The following TAF3 variants were observed in gnomAD, a reference collection of about 807,000 sequenced individuals.
TAF3 encodes the protein TATA-box binding protein associated factor 3, also known as transcription initiation factor TFIID subunit 3.
In TAF3, 7 loss-of-function variants were observed where a neutral mutation model predicts 80.6. The observed-to-expected ratio is 0.09, with a 90% CI of 0.05 to 0.16. The LOEUF (loss-of-function observed/expected upper bound fraction) is 0.16. Ranked by LOEUF, TAF3 falls within the 10% of genes least tolerant of loss-of-function variation. The pLI, the probability that TAF3 is intolerant of heterozygous loss-of-function variation, is 1.00. For synonymous variants in TAF3, 444 were observed against 446.1 expected (o/e 1.00, Z 0.06); for missense variants, 921 against 1,140.2 (o/e 0.81, Z 2.77).
At position 7,936,400 on chromosome 10, in the gene TAF3, G is replaced by A. The variant is rs962615246; in HGVS notation, c.410-27520G>A. On this transcript the variant is annotated intron_variant, in intron 2 of 6. Transcript: ENST00000344293. Reference sequence around the variant, plus strand: ...TCTCTTACAGTTTAAAGCATTATACGATTAAGGATCAAATGTCAGCAAATT... The same window carrying A: ...TCTCTTACAGTTTAAAGCATTATACAATTAAGGATCAAATGTCAGCAAATT... 5.9e-5 allele frequency among the ~76,000 whole-genome samples: 9 copies of A among 152,132 alleles called. No individual in the cohort carries two copies. The East Asian group carries it at 7.7e-4, about 13-fold the overall frequency.
intron 2 of TAF3, among the ~76,000 whole-genome samples, chr10:7,841,449 G>T (rs1836911310): frequency 1.3e-5 from 2 of 152,186 alleles, no homozygotes; most frequent in African/African-American, 4.8e-5. Context: ...ATTCTTAAAG[G>T]AAAACAGAGT....
At position 8,009,626 on chromosome 10, in the gene TAF3, C is replaced by CT. The variant is rs1278793893; in HGVS notation, c.2568+308dup. On this transcript the variant is annotated intron_variant, in intron 5 of 6. Coordinates refer to ENST00000344293, the MANE Select transcript of TAF3 (RefSeq NM_031923.4). This position sits in a 1 kb window ranked among gnomAD's most constrained non-coding sequence, Gnocchi z 4.1. ...TGGCCAGACACGTTTCTTTTTTTTT[C>CT]TTTTTTTTTTTTGAGACAGAGTTTC... Among the ~76,000 whole-genome samples, 2,101 of 142,686 alleles carry CT rather than the reference C, an allele frequency of 0.015. 42 individuals carry two copies. The highest frequency in any genetic ancestry group is 0.046 in the African/African-American group (1,802 of 39,174). The allele number at this position is 142,686 out of a possible 152,430, so 93.6% of individuals were successfully genotyped here. A position where few individuals can be genotyped will look rare whatever the true frequency, so the allele number is the denominator to read the frequency against.
chr10:7,922,254 G>A (rs10905252), intron 2 of TAF3, among the ~76,000 whole-genome samples: 83,629 of 151,842 alleles, frequency 0.55, 24,353 homozygotes, highest in East Asian at 0.71. Flanking sequence ...AATGTTAATT[G>A]TGAAAAGGTT....
intron 5 of TAF3, among the ~76,000 whole-genome samples, chr10:8,012,128 T>C (rs958652972): frequency 6.6e-6 from 1 of 152,154 alleles, no homozygotes; most frequent in Non-Finnish European, 1.5e-5. Flanking sequence ...CAGTGAGCCA[T>C]GATCACACCA....
intron 2 of TAF3, among the ~76,000 whole-genome samples, chr10:7,937,453 T>A (rs1277747303): frequency 6.6e-6 from 1 of 152,258 alleles, no homozygotes; most frequent in East Asian, 1.9e-4. Context: ...CATCTTTTCA[T>A]CTTTTCCTGT....
intron 2 of TAF3, among the ~76,000 whole-genome samples, chr10:7,915,063 C>T (rs1837696681): frequency 6.6e-6 from 1 of 150,470 alleles, no homozygotes; most frequent in Non-Finnish European, 1.5e-5. Context: ...GCCTCAGCCT[C>T]CTGAGTAGCT....
chr10:7,878,702 T>C (rs1330707486), intron 2 of TAF3, among the ~76,000 whole-genome samples: 5 of 57,246 alleles, frequency 8.7e-5, no homozygotes, highest in African/African-American at 1.9e-4. Flanking sequence ...TGTATGTATG[T>C]ATGTATGTAT....
At chr10:7,902,821 C>T (rs537640722) in intron 2 of TAF3, among the ~76,000 whole-genome samples, 178 of 152,150 alleles carry the variant, frequency 1.2e-3, no homozygotes, top group African/African-American at 4.2e-3. Context: ...TTTTCTATCA[C>T]TTCTGTATTG....
At chr10:7,956,651 T>A (rs1804239852) in intron 2 of TAF3, among the ~76,000 whole-genome samples, 1 of 152,176 alleles carries the variant, frequency 6.6e-6, no homozygotes, top group Non-Finnish European at 1.5e-5. Context: ...TAAAAGTGAA[T>A]CTCTAGCTGT....
At chr10:8,002,740 T>G in intron 4 of TAF3, among the ~76,000 whole-genome samples, 1 of 152,204 alleles carries the variant, frequency 6.6e-6, no homozygotes. Flanking sequence ...CTTTGCTGGT[T>G]TTTTGACTGC....
rs548220777 is a variant in TAF3, at chr10:7,873,623, C to G, written c.409+49063C>G. ...AGGGAAGACATCCGAGTTCTCCCCC[C>G]CCCCCCGTCAAAAGGGGGTGTCGAA... On this transcript the variant is annotated intron_variant, in intron 2 of 6. Transcript: ENST00000344293. Among the ~76,000 whole-genome samples, 57 of 96,538 alleles carry G rather than the reference C, an allele frequency of 5.9e-4. 1 individual carries two copies. Among genetic ancestry groups the G allele is most frequent in the African/African-American group, 1.7e-3 (46 of 27,536 alleles). 63.3% of individuals were successfully genotyped at this position (96,538 alleles called of 152,430 possible).
intron 2 of TAF3, among the ~76,000 whole-genome samples, chr10:7,936,299 A>G (rs1000361525): frequency 1.3e-5 from 2 of 152,130 alleles, no homozygotes; most frequent in African/African-American, 2.4e-5. Flanking sequence ...GTAATTTACT[A>G]GGCATTGTGG....
intron 2 of TAF3, among the ~76,000 whole-genome samples, chr10:7,960,163 T>C (rs1003718393): frequency 9.2e-5 from 14 of 152,330 alleles, no homozygotes; most frequent in South Asian, 6.2e-4. Flanking sequence ...GGAGGTTCTT[T>C]GAAATTTAGA....
intron 2 of TAF3, among the ~76,000 whole-genome samples, chr10:7,912,762 A>G (rs182293630): frequency 1.2e-3 from 187 of 152,324 alleles, no homozygotes; most frequent in African/African-American, 4.3e-3. Flanking sequence ...GTTCATTGCC[A>G]GTGGCTTAAT....
chr10:7,840,591 T>C (rs1836902775), intron 2 of TAF3, among the ~76,000 whole-genome samples: 1 of 152,018 alleles, frequency 6.6e-6, no homozygotes, highest in African/African-American at 2.4e-5. Context: ...CATTTCTTTA[T>C]CTGTGCTTAC....
chr10:8,004,564 A>G (rs750658566), intron 4 of TAF3, among the ~76,000 whole-genome samples: 23 of 152,052 alleles, frequency 1.5e-4, no homozygotes, highest in Non-Finnish European at 1.3e-4. Flanking sequence ...GTTTTCAAAG[A>G]CATAATTTAT....
rs932294832 is a variant in TAF3 at position 7,825,677 on chromosome 10, T to C, written c.409+1117T>C. 9.2e-5 allele frequency among the ~76,000 whole-genome samples: 14 copies of C among 152,330 alleles called. No homozygotes were observed. The South Asian group carries it at 2.9e-3, about 32-fold the overall frequency. ...TAGCCTGTGTCGGGATTTCGTTGTG[T>C]GTTTCGTTGTGTGTTTAAGGCAGAA... On this transcript the variant is annotated intron_variant, in intron 2 of 6. Coordinates refer to ENST00000344293, the MANE Select transcript of TAF3 (RefSeq NM_031923.4).
At chr10:7,902,477 G>A (rs568176519) in intron 2 of TAF3, among the ~76,000 whole-genome samples, 22 of 152,086 alleles carry the variant, frequency 1.4e-4, no homozygotes, top group Non-Finnish European at 2.6e-4. Flanking sequence ...TTAAGAGTCC[G>A]GGCCAATATT....
rs1388052765 is a variant in TAF3, at chr10:8,014,759, C to T, written c.*8C>T. ...AAGCATCGAGCCCACTGACGACTCC[C>T]GAGGGGCTGGACCAAGCGGGGTCAG... On this transcript the variant is annotated 3_prime_UTR_variant, in exon 7 of 7. Transcript: ENST00000344293. 20 of 1,577,118 alleles carry T rather than the reference C, an allele frequency of 1.3e-5. No homozygotes were observed. The highest frequency in any genetic ancestry group is 3.7e-5 in the Admixed American group (2 of 54,342).
Sources: gnomAD v4.1 joint callset for allele counts (sites outside exome capture counted in the v4.1 genomes callset) on GRCh38, gnomAD v4.1.1 for gene constraint, Gnocchi (gnomAD v3.1) non-coding constraint, MANE v1.5 for transcripts, NCBI Gene and HGNC (gene_info 2026-07-23, HGNC 2026-07-21) for gene names.